Variants in INPP4B observed in about 807,000 individuals in gnomAD.
INPP4B encodes inositol polyphosphate-4-phosphatase type II B, also known as inositol polyphosphate 4-phosphatase type II.
In INPP4B, 55 loss-of-function variants were observed where a neutral mutation model predicts 122.5. The observed-to-expected ratio is 0.45, with a 90% CI of 0.36 to 0.56. INPP4B has a LOEUF of 0.56. Among genes scored for constraint, INPP4B ranks in the 20% least tolerant of loss-of-function variants. The probability of loss-of-function intolerance (pLI) is 0.00; values close to 1 mark genes in which losing one functional copy is unlikely to be tolerated. For synonymous variants in INPP4B, 403 were observed against 388.7 expected, an observed-to-expected ratio of 1.04 and a Z score of -0.43; for missense variants, 1,000 against 1,097.7, an observed-to-expected ratio of 0.91 and a Z score of 1.26.
chr4:142,604,903 A>G lies in INPP4B; in HGVS notation c.-191+120936T>C, dbSNP rs546439014. ...CATATAGAACCAAAATAGAGCCTGA[A>G]TAGCCAAACAAATCCTAAGCAAAAA... On this transcript the variant is annotated intron_variant, in intron 2 of 25. Transcript: ENST00000262992. 2.0e-5 allele frequency among the ~76,000 whole-genome samples: 3 copies of G among 152,270 alleles called. No homozygotes were observed. In the East Asian group the frequency reaches 5.8e-4, roughly 29 times the overall value.
At chr4:142,557,999 T>C (rs1182120671) in intron 2 of INPP4B, among the ~76,000 whole-genome samples, 6 of 152,242 alleles carry the variant, frequency 3.9e-5, no homozygotes, top group East Asian at 1.9e-4. Context: ...CCTAGTTCTA[T>C]ATCTAAGGCT....
chr4:142,628,941 T>C (rs974568485), intron 2 of INPP4B, among the ~76,000 whole-genome samples: 1 of 152,116 alleles, frequency 6.6e-6, no homozygotes, highest in African/African-American at 2.4e-5. Flanking sequence ...AGTCAAAATA[T>C]GTCCATAAGA....
intron 9 of INPP4B, among the ~76,000 whole-genome samples, chr4:142,301,380 T>C (rs1430280432): frequency 6.6e-6 from 1 of 152,020 alleles, no homozygotes; most frequent in African/African-American, 2.4e-5. Context: ...CAAAAGAATA[T>C]AAAATGGACA....
At chr4:142,375,722 T>A (rs1179655540) in intron 7 of INPP4B, among the ~76,000 whole-genome samples, 1 of 151,968 alleles carries the variant, frequency 6.6e-6, no homozygotes, top group Non-Finnish European at 1.5e-5. Flanking sequence ...GCCTTAGAAC[T>A]TTTGCATTTA....
chr4:142,497,574 C>G (rs192217939), intron 2 of INPP4B, among the ~76,000 whole-genome samples: 1 of 152,252 alleles, frequency 6.6e-6, no homozygotes, highest in Non-Finnish European at 1.5e-5. Context: ...ATTGGGGAAA[C>G]ACAGGCTAAA....
chr4:142,333,825 GA>G (rs1323993254), intron 7 of INPP4B, among the ~76,000 whole-genome samples: 1 of 152,018 alleles, frequency 6.6e-6, no homozygotes, highest in African/African-American at 2.4e-5. Flanking sequence ...TGATTACCAC[GA>G]ACCAGCTATT....
intron 2 of INPP4B, among the ~76,000 whole-genome samples, chr4:142,586,487 G>A (rs1736237305): frequency 6.6e-6 from 1 of 152,136 alleles, no homozygotes; most frequent in African/African-American, 2.4e-5. Context: ...CTCTGTAAAA[G>A]TGGTAGATTC....
At chr4:142,616,844 C>T (rs972718512) in intron 2 of INPP4B, among the ~76,000 whole-genome samples, 25 of 151,986 alleles carry the variant, frequency 1.6e-4, no homozygotes, top group Non-Finnish European at 3.2e-4. Flanking sequence ...AAACAGAGAG[C>T]CAAAAACCAC....
intron 1 of INPP4B, among the ~76,000 whole-genome samples, chr4:142,755,594 C>G (rs1217304532): frequency 2.6e-5 from 4 of 152,044 alleles, no homozygotes; most frequent in Admixed American, 6.6e-5. Flanking sequence ...ATGGAATACT[C>G]TACATAAAGC....
At chr4:142,547,050 A>G (rs531779846) in intron 2 of INPP4B, among the ~76,000 whole-genome samples, 1 of 151,434 alleles carries the variant, frequency 6.6e-6, no homozygotes, top group South Asian at 2.1e-4. Context: ...ATTCTTTGAA[A>G]TCGTACTTTT....
intron 15 of INPP4B, among the ~76,000 whole-genome samples, chr4:142,188,219 G>A (rs1834002976): frequency 4.6e-5 from 7 of 151,750 alleles, no homozygotes; most frequent in Admixed American, 2.6e-4. Context: ...CGGGCACATT[G>A]GCTCATGCCT....
At chr4:142,115,742 A>C (rs1343105120) in intron 21 of INPP4B, among the ~76,000 whole-genome samples, 1 of 152,184 alleles carries the variant, frequency 6.6e-6, no homozygotes, top group Non-Finnish European at 1.5e-5. Context: ...GCTAGGAAGA[A>C]ACTGCATCAA....
At chr4:142,802,398 C>T (rs1189288199) in intron 1 of INPP4B, among the ~76,000 whole-genome samples, 1 of 152,050 alleles carries the variant, frequency 6.6e-6, no homozygotes, top group East Asian at 1.9e-4. Flanking sequence ...TAATGAGAAG[C>T]CATGTTGATA....
intron 9 of INPP4B, among the ~76,000 whole-genome samples, chr4:142,278,866 A>C (rs570594554): frequency 2.0e-5 from 3 of 151,968 alleles, no homozygotes; most frequent in Non-Finnish European, 4.4e-5. Context: ...GAAATAATCT[A>C]TGAACCAGAA....
chr4:142,622,295 T>C (rs1745125076), intron 2 of INPP4B, among the ~76,000 whole-genome samples: 1 of 151,592 alleles, frequency 6.6e-6, no homozygotes, highest in Non-Finnish European at 1.5e-5. Context: ...TTCTTTATAA[T>C]GCCGATGTGA....
intron 15 of INPP4B, among the ~76,000 whole-genome samples, chr4:142,178,707 T>C (rs1829435548): frequency 6.6e-6 from 1 of 151,896 alleles, no homozygotes; most frequent in African/African-American, 2.4e-5. Flanking sequence ...GGGATTAGGA[T>C]TGGTGAGTTT....
At chr4:142,702,824 A>G (rs1215629382) in intron 2 of INPP4B, among the ~76,000 whole-genome samples, 1 of 152,108 alleles carries the variant, frequency 6.6e-6, no homozygotes, top group Non-Finnish European at 1.5e-5. Context: ...TGCAAAAAAA[A>G]ATTTCCCTAA....
intron 7 of INPP4B, among the ~76,000 whole-genome samples, chr4:142,402,665 C>G (rs1178852765): frequency 6.6e-6 from 1 of 152,170 alleles, no homozygotes; most frequent in Admixed American, 6.5e-5. Flanking sequence ...TATTACCACT[C>G]TGCTGAAAAC....
At chr4:142,559,356 A>G (rs1386030647) in intron 2 of INPP4B, among the ~76,000 whole-genome samples, 2 of 152,130 alleles carry the variant, frequency 1.3e-5, no homozygotes, top group East Asian at 3.8e-4. Context: ...GAATTATTCA[A>G]ATTTAATTCT....
Sources: allele counts gnomAD v4.1 joint callset (sites outside exome capture counted in the v4.1 genomes callset), GRCh38; gene constraint gnomAD v4.1.1; transcripts MANE v1.5; gene names NCBI Gene and HGNC (gene_info 2026-07-23, HGNC 2026-07-21).